TBX15: variants seen among roughly 807,000 people sequenced by gnomAD.
TBX15 encodes the protein T-box transcription factor TBX15.
A neutral mutation model predicts 53.9 loss-of-function variants in TBX15; 18 were observed. That is an observed-to-expected ratio of 0.33 (90% CI 0.23 to 0.49). The LOEUF (loss-of-function observed/expected upper bound fraction) is 0.49. TBX15 is among the 20% of genes least tolerant of loss of function. TBX15 has a pLI of 0.98. For synonymous variants in TBX15, 295 were observed against 278.0 expected, an observed-to-expected ratio of 1.06 and a Z score of -0.61; for missense variants, 692 against 749.5, an observed-to-expected ratio of 0.92 and a Z score of 0.90.
chr1:118,910,483 T>C (rs1433823900), intron 6 of TBX15, among the ~76,000 whole-genome samples: 1 of 152,164 alleles, frequency 6.6e-6, no homozygotes, highest in Non-Finnish European at 1.5e-5. Context: ...GGTGGTGAAC[T>C]GGGTCCTGAT....
intron 5 of TBX15, among the ~76,000 whole-genome samples, chr1:118,923,221 C>T (rs377218764): frequency 6.6e-6 from 1 of 152,106 alleles, no homozygotes; most frequent in African/African-American, 2.4e-5. Flanking sequence ...AGCTCTTCTT[C>T]TATTTTAGAT....
chr1:118,899,427 G>A (rs972150709), intron 6 of TBX15, among the ~76,000 whole-genome samples: 3 of 152,090 alleles, frequency 2.0e-5, no homozygotes, highest in African/African-American at 2.4e-5. Context: ...AGTATTAAAG[G>A]TCAAGGCCAC....
chr1:118,943,033 A>C (rs533286068), intron 1 of TBX15, among the ~76,000 whole-genome samples: 1 of 152,220 alleles, frequency 6.6e-6, no homozygotes, highest in Non-Finnish European at 1.5e-5. Context: ...CCACAGACCC[A>C]GATTATGACT....
intron 1 of TBX15, among the ~76,000 whole-genome samples, chr1:118,942,191 G>A (rs1656197801): frequency 6.6e-6 from 1 of 152,144 alleles, no homozygotes. Flanking sequence ...AGAAAGAGAG[G>A]GGTTTCTAGG....
chr1:118,943,222 C>G (rs1246814395), intron 1 of TBX15, among the ~76,000 whole-genome samples: 1 of 152,172 alleles, frequency 6.6e-6, no homozygotes, highest in Non-Finnish European at 1.5e-5. Context: ...ACTTCCCTGT[C>G]CCTATGAGAG....
chr1:118,976,864 A>T (rs967359317), intron 1 of TBX15, among the ~76,000 whole-genome samples: 1 of 152,200 alleles, frequency 6.6e-6, no homozygotes, highest in Non-Finnish European at 1.5e-5. Context: ...AAGCAAAAGA[A>T]TGGGGGAGAG....
At chr1:118,988,936 C>T (rs1421256335), upstream of TBX15, among the ~76,000 whole-genome samples, 1 of 152,252 alleles carries the variant, frequency 6.6e-6, no homozygotes, top group East Asian at 1.9e-4. Flanking sequence ...ACCGCTTCCT[C>T]CTTCCAGCTC....
intron 1 of TBX15, among the ~76,000 whole-genome samples, chr1:118,944,906 C>T (rs1656300873): frequency 6.6e-6 from 1 of 152,160 alleles, no homozygotes; most frequent in East Asian, 1.9e-4. Context: ...ACTCCTCTTC[C>T]CAGGGAATGG....
chr1:118,978,825 C>A (rs1468275465), intron 1 of TBX15, among the ~76,000 whole-genome samples: 2 of 152,162 alleles, frequency 1.3e-5, no homozygotes, highest in Non-Finnish European at 1.5e-5. Flanking sequence ...TAGCCCCTCC[C>A]ACCCTTTGAT....
At position 118,891,235 on chromosome 1, in the gene TBX15, G is replaced by T. The variant is rs182171187; in HGVS notation, c.1025-5719C>A. Among the ~76,000 whole-genome samples, 21 of 152,252 alleles carry T rather than the reference G, an allele frequency of 1.4e-4. No homozygotes were observed. The East Asian group carries it at 4.1e-3, about 29-fold the overall frequency. ...ACCTAAACTCCTTCTCTTTAAAATTGCTTTGAATATATTCATCCAATTCTC... is the reference window on the plus strand; with the variant it reads ...ACCTAAACTCCTTCTCTTTAAAATTTCTTTGAATATATTCATCCAATTCTC... On this transcript the variant is annotated intron_variant, in intron 7 of 7. Transcript: ENST00000369429.
At chr1:118,886,864 A>C (rs1011865259) in intron 7 of TBX15, among the ~76,000 whole-genome samples, 2 of 152,212 alleles carry the variant, frequency 1.3e-5, no homozygotes, top group Admixed American at 1.3e-4. Context: ...CATTTCCAAA[A>C]GTCCCTAAAT....
intron 5 of TBX15, among the ~76,000 whole-genome samples, chr1:118,916,477 T>C (rs544195240): frequency 7.2e-5 from 11 of 152,102 alleles, no homozygotes; most frequent in Admixed American, 1.3e-4. Flanking sequence ...AAGAAACACA[T>C]GAAAAAAAGC....
At chr1:118,899,546 A>G (rs948995626) in intron 6 of TBX15, among the ~76,000 whole-genome samples, 2 of 152,050 alleles carry the variant, frequency 1.3e-5, no homozygotes, top group African/African-American at 2.4e-5. Context: ...CCGAGAGTCA[A>G]CTCCTCACCT....
chr1:118,964,456 A>G (rs1656976570), intron 1 of TBX15, among the ~76,000 whole-genome samples: 1 of 152,184 alleles, frequency 6.6e-6, no homozygotes, highest in Non-Finnish European at 1.5e-5. Flanking sequence ...TAAGCAACTT[A>G]CCCATGTTTT....
At chr1:118,896,518 G>T (rs1271510249) in intron 7 of TBX15, among the ~76,000 whole-genome samples, 1 of 152,100 alleles carries the variant, frequency 6.6e-6, no homozygotes. Flanking sequence ...GTCTAGGACT[G>T]CTATGTGACA....
chr1:118,931,919 T>C (rs1655801623), intron 1 of TBX15, 87 bp from the exon 2 acceptor site: 1 of 1,341,004 alleles, frequency 7.5e-7, no homozygotes, highest in Non-Finnish European at 1.0e-6. Flanking sequence ...GGAAATGCAA[T>C]GAAGTGGGGA....
At chr1:118,932,613 G>A (rs1431821757) in intron 1 of TBX15, among the ~76,000 whole-genome samples, 1 of 152,142 alleles carries the variant, frequency 6.6e-6, no homozygotes, top group African/African-American at 2.4e-5. Context: ...AAACAGGAAG[G>A]TGGGATTGAG....
chr1:118,915,910 T>C (rs1315599929), intron 5 of TBX15, among the ~76,000 whole-genome samples: 3 of 152,208 alleles, frequency 2.0e-5, no homozygotes, highest in Non-Finnish European at 2.9e-5. Context: ...CCACAGCTCA[T>C]TGGATCCCAG....
chr1:118,906,717 T>C (rs1281192162), intron 6 of TBX15, among the ~76,000 whole-genome samples: 1 of 152,188 alleles, frequency 6.6e-6, no homozygotes, highest in Non-Finnish European at 1.5e-5. Context: ...AATATATCCA[T>C]TCCCGTAATG....
Sources: allele counts gnomAD v4.1 joint callset (sites outside exome capture counted in the v4.1 genomes callset), GRCh38; gene constraint gnomAD v4.1.1; transcripts MANE v1.5; gene names NCBI Gene and HGNC (gene_info 2026-07-23, HGNC 2026-07-21).